Variants in LRRC8D observed in about 807,000 individuals in gnomAD.
The protein encoded by LRRC8D is leucine rich repeat containing 8 VRAC subunit D.
A neutral mutation model predicts 55.8 loss-of-function variants in LRRC8D; 20 were observed. The ratio of observed to expected loss-of-function variants is 0.36; its 90% CI spans 0.25 to 0.52. The LOEUF is 0.52. Ranked by LOEUF, LRRC8D falls within the 20% of genes least tolerant of loss-of-function variation. The probability of loss-of-function intolerance (pLI) is 0.93; values close to 1 mark genes in which losing one functional copy is unlikely to be tolerated. For missense variants in LRRC8D, 651 were observed against 1,030.8 expected (o/e 0.63, Z 5.05); for synonymous variants, 352 against 377.0 (o/e 0.93, Z 0.77).
intron 2 of LRRC8D, among the ~76,000 whole-genome samples, chr1:89,927,891 G>C (rs920721784): frequency 1.3e-5 from 2 of 152,148 alleles, no homozygotes; most frequent in Admixed American, 1.3e-4. Flanking sequence ...TGCTTGCCAC[G>C]TGGAAGGAAA....
intron 2 of LRRC8D, among the ~76,000 whole-genome samples, chr1:89,876,219 A>G (rs1040932706): frequency 6.6e-6 from 1 of 152,148 alleles, no homozygotes; most frequent in East Asian, 1.9e-4. Flanking sequence ...GAGGAATTAC[A>G]GCTACTAGAA....
intron 2 of LRRC8D, among the ~76,000 whole-genome samples, chr1:89,920,867 G>T (rs1052293532): frequency 1.3e-5 from 2 of 152,152 alleles, no homozygotes; most frequent in African/African-American, 2.4e-5. Flanking sequence ...GTTAGGGAAG[G>T]CTTGTTGTAG....
At chr1:89,825,406 C>G (rs1262926785) in intron 1 of LRRC8D, among the ~76,000 whole-genome samples, 1 of 152,202 alleles carries the variant, frequency 6.6e-6, no homozygotes, top group Non-Finnish European at 1.5e-5. Flanking sequence ...ATTCCTTCCT[C>G]TGGGTCTTTG....
At chr1:89,925,249 G>C (rs180829508) in intron 2 of LRRC8D, among the ~76,000 whole-genome samples, 1 of 152,140 alleles carries the variant, frequency 6.6e-6, no homozygotes, top group Non-Finnish European at 1.5e-5. Flanking sequence ...TCTAATGTCC[G>C]ATGATTTGTC....
At chr1:89,829,322 A>T (rs138777052) in intron 1 of LRRC8D, among the ~76,000 whole-genome samples, 2 of 152,226 alleles carry the variant, frequency 1.3e-5, no homozygotes, top group Admixed American at 1.3e-4. Flanking sequence ...ATGCATTCTC[A>T]TATAATCCTC....
rs777326302 is a variant in LRRC8D at position 89,933,443 on chromosome 1, G to C, written c.375G>C (p.Gln125His). ...YPRTDFALPNQEAKKEKKDPT... is the reference protein window; with the variant it reads ...YPRTDFALPNHEAKKEKKDPT... Reference sequence around the variant, plus strand: ...GCACAGATTTCGCACTTCCAAATCAGGAGGCAAAGAAAGAGAAGAAAGATC... The same window carrying C: ...GCACAGATTTCGCACTTCCAAATCACGAGGCAAAGAAAGAGAAGAAAGATC... The change falls in exon 3 of 3, where the codon CAG (glutamine) becomes CAC (histidine). Residue 125 changes from glutamine to histidine, a missense_variant. Transcript: ENST00000337338. The surrounding 1 kb of genome is among the most constrained non-coding windows in gnomAD (Gnocchi z 7.0). The C allele has an allele frequency of 6.2e-7, 1 of 1,614,092 alleles. No individual in the cohort carries two copies. Among genetic ancestry groups the C allele is most frequent in the South Asian group, 1.1e-5 (1 of 91,074 alleles).
At chr1:89,899,222 A>C (rs565311745) in intron 2 of LRRC8D, among the ~76,000 whole-genome samples, 1 of 152,312 alleles carries the variant, frequency 6.6e-6, no homozygotes, top group Admixed American at 6.5e-5. Flanking sequence ...GCATTATTCT[A>C]GGGTGCAGCT....
At chr1:89,920,772 T>G (rs2100970556) in intron 2 of LRRC8D, among the ~76,000 whole-genome samples, 1 of 152,148 alleles carries the variant, frequency 6.6e-6, no homozygotes, top group African/African-American at 2.4e-5. Context: ...TTTCTTTAAC[T>G]GTATAAATTT....
chr1:89,842,695 A>G (rs777033959), intron 1 of LRRC8D, among the ~76,000 whole-genome samples: 10 of 152,196 alleles, frequency 6.6e-5, no homozygotes, highest in Non-Finnish European at 1.3e-4. Context: ...CATAGCCAGC[A>G]CACTCTACAT....
intron 2 of LRRC8D, among the ~76,000 whole-genome samples, chr1:89,915,595 C>T (rs1270951319): frequency 6.6e-6 from 1 of 152,186 alleles, no homozygotes; most frequent in Non-Finnish European, 1.5e-5. Flanking sequence ...GAAATATTCA[C>T]TCCTTTGGGC....
At chr1:89,825,646 G>A (rs953937602) in intron 1 of LRRC8D, among the ~76,000 whole-genome samples, 1 of 152,170 alleles carries the variant, frequency 6.6e-6, no homozygotes, top group Non-Finnish European at 1.5e-5. Flanking sequence ...AGGTTTAGAA[G>A]CAAACCTTTT....
At position 89,902,953 on chromosome 1, in the gene LRRC8D, G is replaced by A. The variant is rs138149703; in HGVS notation, c.-2-30114G>A. On this transcript the variant is annotated intron_variant, in intron 2 of 2. Coordinates refer to ENST00000337338, the MANE Select transcript of LRRC8D (RefSeq NM_001134479.2). ...TTAATCCCATGTCATTGCCTTTGAA[G>A]TTAAATAAATTGATTGCTTAATGTG... Among the ~76,000 whole-genome samples the A allele has an allele frequency of 1.8e-4, 28 of 152,338 alleles. No individual in the cohort carries two copies. In the East Asian group the frequency reaches 5.2e-3, roughly 28 times the overall value.
Position 89,935,493 on chromosome 1 carries a change from T to C in LRRC8D, c.2425T>C (p.Cys809Arg). 6.2e-7 allele frequency: 1 copy of C among 1,614,260 alleles called. No homozygotes were observed. The highest frequency in any genetic ancestry group is 1.6e-4 in the Middle Eastern group (1 of 6,062). The change falls in exon 3 of 3, where the codon TGC becomes CGC. Residue 809 changes from cysteine to arginine, a missense_variant. By Grantham distance (180) the Cys-to-Arg change is radical. Coordinates refer to ENST00000337338, the MANE Select transcript of LRRC8D (RefSeq NM_001134479.2). Reference sequence around the variant, plus strand: ...CACTCAGCTGGAGCTGAAGGGGAACTGCTTGGACCGCCTGCCAGCCCAGCT... The same window carrying C: ...CACTCAGCTGGAGCTGAAGGGGAACCGCTTGGACCGCCTGCCAGCCCAGCT... Reference protein sequence around the residue: ...QLTQLELKGNCLDRLPAQLGQ... With the variant: ...QLTQLELKGNRLDRLPAQLGQ...
chr1:89,901,862 C>T (rs1334488597), intron 2 of LRRC8D, among the ~76,000 whole-genome samples: 2 of 152,186 alleles, frequency 1.3e-5, no homozygotes, highest in Non-Finnish European at 2.9e-5. Flanking sequence ...TACGTCGTGC[C>T]TCTGAAGGCT....
intron 2 of LRRC8D, among the ~76,000 whole-genome samples, chr1:89,892,306 C>T (rs1214630142): frequency 6.6e-6 from 1 of 152,306 alleles, no homozygotes; most frequent in African/African-American, 2.4e-5. Flanking sequence ...CCTGCCTTTT[C>T]AACCTATGGA....
At chr1:89,885,090 T>C (rs1662384718) in intron 2 of LRRC8D, among the ~76,000 whole-genome samples, 1 of 152,228 alleles carries the variant, frequency 6.6e-6, no homozygotes, top group African/African-American at 2.4e-5. Flanking sequence ...TTTTATGTTA[T>C]TGTGAATCTG....
intron 2 of LRRC8D, among the ~76,000 whole-genome samples, chr1:89,906,114 A>C (rs1222597832): frequency 6.6e-6 from 1 of 152,178 alleles, no homozygotes; most frequent in Non-Finnish European, 1.5e-5. Context: ...TGGTGTTTTA[A>C]CTGCCCCCCA....
intron 2 of LRRC8D, among the ~76,000 whole-genome samples, chr1:89,920,982 G>T (rs1431719802): frequency 6.6e-6 from 1 of 152,164 alleles, no homozygotes; most frequent in Non-Finnish European, 1.5e-5. Flanking sequence ...TTCTCCATTT[G>T]CCCAGGTTGA....
At chr1:89,829,472 C>CT (rs1660836907) in intron 1 of LRRC8D, among the ~76,000 whole-genome samples, 1 of 152,186 alleles carries the variant, frequency 6.6e-6, no homozygotes, top group Non-Finnish European at 1.5e-5. Flanking sequence ...TTATACCAGA[C>CT]TTTTTTATTT....
Sources: gnomAD v4.1 joint callset for allele counts (sites outside exome capture counted in the v4.1 genomes callset) on GRCh38, gnomAD v4.1.1 for gene constraint, Gnocchi (gnomAD v3.1) non-coding constraint, MANE v1.5 for transcripts, NCBI Gene and HGNC (gene_info 2026-07-23, HGNC 2026-07-21) for gene names.